NOS1AP: variants seen among roughly 807,000 people sequenced by gnomAD.
NOS1AP encodes carboxyl-terminal PDZ ligand of neuronal nitric oxide synthase protein.
In NOS1AP, 21 loss-of-function variants were observed where a neutral mutation model predicts 56.2. That is an observed-to-expected ratio of 0.37 (90% CI 0.26 to 0.54). The LOEUF (loss-of-function observed/expected upper bound fraction) is 0.54. Among genes scored for constraint, NOS1AP ranks in the 20% least tolerant of loss-of-function variants. The pLI, the probability that NOS1AP is intolerant of heterozygous loss-of-function variation, is 0.84. For missense variants in NOS1AP, 522 were observed against 657.8 expected (o/e 0.79, Z 2.26); for synonymous variants, 270 against 274.6 (o/e 0.98, Z 0.17).
intron 2 of NOS1AP, among the ~76,000 whole-genome samples, chr1:162,266,641 C>A (rs1387719175): frequency 6.6e-6 from 1 of 152,052 alleles, no homozygotes; most frequent in African/African-American, 2.4e-5. Flanking sequence ...AACATGGTTC[C>A]TTTTGGTGTT....
chr1:162,092,129 A>G, intron 1 of NOS1AP, among the ~76,000 whole-genome samples: 1 of 152,226 alleles, frequency 6.6e-6, no homozygotes, highest in Non-Finnish European at 1.5e-5. Context: ...CTCCCAGGCC[A>G]CATTCCAGTC....
At chr1:162,224,076 G>A (rs112469608) in intron 2 of NOS1AP, among the ~76,000 whole-genome samples, 1 of 152,122 alleles carries the variant, frequency 6.6e-6, no homozygotes, top group African/African-American at 2.4e-5. Flanking sequence ...TGCATTCACA[G>A]GTTTAAAGGC....
At chr1:162,077,224 G>C (rs1454746728) in intron 1 of NOS1AP, among the ~76,000 whole-genome samples, 1 of 152,056 alleles carries the variant, frequency 6.6e-6, no homozygotes, top group Non-Finnish European at 1.5e-5. Context: ...ACCAATGCTT[G>C]TTGTCTGACT....
chr1:162,104,378 A>G (rs192561699), intron 1 of NOS1AP, among the ~76,000 whole-genome samples: 13 of 152,134 alleles, frequency 8.5e-5, no homozygotes, highest in Admixed American at 5.9e-4. Flanking sequence ...TCTGACTAGT[A>G]TGTGTCTTGG....
intron 5 of NOS1AP, among the ~76,000 whole-genome samples, chr1:162,333,700 G>C (rs1484630847): frequency 6.6e-6 from 1 of 152,174 alleles, no homozygotes; most frequent in Non-Finnish European, 1.5e-5. Flanking sequence ...GGAACCCTGA[G>C]TGACGTTATG....
At chr1:162,225,012 G>T (rs1652896416) in intron 2 of NOS1AP, among the ~76,000 whole-genome samples, 1 of 152,158 alleles carries the variant, frequency 6.6e-6, no homozygotes, top group African/African-American at 2.4e-5. Context: ...TTTCTTCTTG[G>T]CAACCATTCT....
At chr1:162,270,601 G>C (rs951194916) in intron 2 of NOS1AP, among the ~76,000 whole-genome samples, 1 of 152,204 alleles carries the variant, frequency 6.6e-6, no homozygotes, top group Non-Finnish European at 1.5e-5. Flanking sequence ...GATAGATTAA[G>C]GGACTGAGCG....
At chr1:162,273,460 C>T (rs751132708) in intron 2 of NOS1AP, among the ~76,000 whole-genome samples, 6 of 152,188 alleles carry the variant, frequency 3.9e-5, no homozygotes, top group East Asian at 3.9e-4. Context: ...CCACCGCGCC[C>T]GGCCGAAGCC....
intron 2 of NOS1AP, among the ~76,000 whole-genome samples, chr1:162,267,472 C>T (rs1654458936): frequency 6.9e-6 from 1 of 144,412 alleles, no homozygotes; most frequent in African/African-American, 2.5e-5. Context: ...TAACTTTTTA[C>T]AAGACAGAAG....
intron 3 of NOS1AP, among the ~76,000 whole-genome samples, chr1:162,293,993 C>T (rs1319323819): frequency 6.6e-6 from 1 of 152,154 alleles, no homozygotes; most frequent in East Asian, 1.9e-4. Context: ...TATATCTTTG[C>T]TTTCTCACCT....
chr1:162,351,173 G>C (rs922672618), intron 6 of NOS1AP, among the ~76,000 whole-genome samples: 2 of 152,184 alleles, frequency 1.3e-5, no homozygotes, highest in African/African-American at 2.4e-5. Flanking sequence ...AAGCATTTCA[G>C]ATAGAGATAC....
intron 5 of NOS1AP, among the ~76,000 whole-genome samples, chr1:162,341,786 G>A (rs1657116011): frequency 6.6e-6 from 1 of 152,212 alleles, no homozygotes; most frequent in African/African-American, 2.4e-5. Context: ...GGATGTAGGA[G>A]CCTTTACTTC....
intron 8 of NOS1AP, 119 bp downstream of exon 8, chr1:162,357,255 C>A: frequency 6.7e-7 from 1 of 1,497,588 alleles, no homozygotes; most frequent in Non-Finnish European, 9.0e-7. Flanking sequence ...ATCGCTCATG[C>A]TATTGGATCA....
Position 162,358,768 on chromosome 1 carries a change from A to C in NOS1AP, c.939+1632A>C, listed in dbSNP as rs12068088. 7.8e-3 allele frequency among the ~76,000 whole-genome samples: 1,191 copies of C among 152,344 alleles called. 11 individuals carry two copies. The highest frequency in any genetic ancestry group is 0.027 in the African/African-American group (1,137 of 41,582). On this transcript the variant is annotated intron_variant, in intron 8 of 9. Transcript: ENST00000361897. ...TAATACTTTTATTTTGCAGCGTATCAATTGCCAAGTAATTATTATTTATCT... is the reference window on the plus strand; with the variant it reads ...TAATACTTTTATTTTGCAGCGTATCCATTGCCAAGTAATTATTATTTATCT...
intron 3 of NOS1AP, among the ~76,000 whole-genome samples, chr1:162,290,996 T>C (rs1160661472): frequency 2.0e-5 from 3 of 150,594 alleles, no homozygotes; most frequent in Admixed American, 1.3e-4. Flanking sequence ...CCTGTATGTA[T>C]TTAGGTCTTT....
chr1:162,270,743 C>T (rs1034997206), intron 2 of NOS1AP, among the ~76,000 whole-genome samples: 12 of 152,144 alleles, frequency 7.9e-5, no homozygotes, highest in Admixed American at 1.3e-4. Context: ...CAGTGATTTT[C>T]GAATTCTTCT....
At chr1:162,293,331 G>A (rs899708092) in intron 3 of NOS1AP, among the ~76,000 whole-genome samples, 1 of 152,118 alleles carries the variant, frequency 6.6e-6, no homozygotes, top group Non-Finnish European at 1.5e-5. Flanking sequence ...ATTCTAGTAG[G>A]GATAGGAAAT....
chr1:162,212,463 C>T (rs1171919104), intron 2 of NOS1AP, among the ~76,000 whole-genome samples: 3 of 152,186 alleles, frequency 2.0e-5, no homozygotes, highest in African/African-American at 7.2e-5. Flanking sequence ...CACAAATCCA[C>T]ATTGACACTC....
intron 3 of NOS1AP, among the ~76,000 whole-genome samples, chr1:162,294,226 A>AG (rs1491402064): frequency 0.023 from 3,126 of 133,920 alleles, 53 homozygotes; most frequent in Non-Finnish European, 0.026. Flanking sequence ...GAAGGAAGGA[A>AG]GAAAGAAAGG....
Sources: gnomAD v4.1 joint callset for allele counts (sites outside exome capture counted in the v4.1 genomes callset) on GRCh38, gnomAD v4.1.1 for gene constraint, MANE v1.5 for transcripts, NCBI Gene and HGNC (gene_info 2026-07-23, HGNC 2026-07-21) for gene names.